The following ALPK2 variants were observed in gnomAD, a reference collection of about 807,000 sequenced individuals.
ALPK2 encodes the protein alpha-protein kinase 2.
Under a neutral mutation model 163.1 loss-of-function variants are expected in ALPK2, and 127 were observed. That is an observed-to-expected ratio of 0.78 (90% CI 0.67 to 0.90). ALPK2 has a LOEUF of 0.90. Ranked by LOEUF, ALPK2 falls within the 40% of genes least tolerant of loss-of-function variation. The probability of loss-of-function intolerance (pLI) is 0.00; values close to 1 mark genes in which losing one functional copy is unlikely to be tolerated. For missense variants in ALPK2, 2,360 were observed against 2,589.6 expected (o/e 0.91, Z 1.92); for synonymous variants, 953 against 959.1 (o/e 0.99, Z 0.12).
intron 10 of ALPK2, among the ~76,000 whole-genome samples, chr18:58,514,112 C>T (rs999724523): frequency 6.6e-6 from 1 of 152,110 alleles, no homozygotes; most frequent in African/African-American, 2.4e-5. Context: ...GTCCAGATGG[C>T]TGTCTGTGTA....
At chr18:58,558,880 A>G (rs993652303) in intron 4 of ALPK2, among the ~76,000 whole-genome samples, 8 of 152,252 alleles carry the variant, frequency 5.3e-5, no homozygotes, top group Admixed American at 1.3e-4. Flanking sequence ...AGGCAAATCT[A>G]TTCAAGACAG....
intron 11 of ALPK2, among the ~76,000 whole-genome samples, chr18:58,499,298 G>A (rs1262952958): frequency 2.0e-5 from 3 of 152,144 alleles, no homozygotes; most frequent in Admixed American, 6.5e-5. Context: ...AGGAGGGGTA[G>A]GGAGGGTAGC....
intron 8 of ALPK2, among the ~76,000 whole-genome samples, chr18:58,523,055 C>A: frequency 1.1e-5 from 1 of 89,166 alleles, no homozygotes; most frequent in African/African-American, 4.7e-5. Context: ...TAATGCTAAC[C>A]CTCCCCCCTC....
At chr18:58,505,385 T>C (rs1164481392) in intron 10 of ALPK2, among the ~76,000 whole-genome samples, 2 of 151,736 alleles carry the variant, frequency 1.3e-5, no homozygotes, top group Non-Finnish European at 2.9e-5. Context: ...GGAGGACCTC[T>C]AAGTGCTGCC....
At chr18:58,521,196 G>A (rs989184653) in intron 8 of ALPK2, among the ~76,000 whole-genome samples, 2 of 152,230 alleles carry the variant, frequency 1.3e-5, no homozygotes, top group African/African-American at 4.8e-5. Flanking sequence ...TACGGCTGGA[G>A]TCACTGGGCT....
At chr18:58,601,198 G>A (rs553764525) in intron 3 of ALPK2, among the ~76,000 whole-genome samples, 2 of 152,192 alleles carry the variant, frequency 1.3e-5, no homozygotes, top group South Asian at 2.1e-4. Flanking sequence ...GGAGGTTGCA[G>A]TGAGCCCAGA....
At chr18:58,608,613 G>A (rs1018103673) in intron 2 of ALPK2, among the ~76,000 whole-genome samples, 6 of 152,148 alleles carry the variant, frequency 3.9e-5, no homozygotes, top group East Asian at 1.9e-4. Context: ...TATTTATTGC[G>A]TGATTTTTGG....
intron 9 of ALPK2, 115 bp from the exon 10 acceptor site, chr18:58,515,196 C>A (rs886863063): frequency 2.7e-6 from 2 of 741,450 alleles, no homozygotes; most frequent in Non-Finnish European, 4.1e-6. Context: ...AACTGACAAG[C>A]CCATCCCCTG....
intron 4 of ALPK2, among the ~76,000 whole-genome samples, chr18:58,539,970 A>G (rs1191707318): frequency 2.0e-5 from 3 of 152,240 alleles, no homozygotes; most frequent in Non-Finnish European, 4.4e-5. Context: ...AATGCTAACT[A>G]AACAAGAAAG....
chr18:58,578,733 G>GACACCCACACACACAC, intron 4 of ALPK2, 81 bp downstream of exon 4: 1 of 530,150 alleles, frequency 1.9e-6, no homozygotes, highest in Non-Finnish European at 3.1e-6. Flanking sequence ...TAAAGGAAGA[G>GACACCCACACACACAC]ACACACACAC....
chr18:58,611,858 G>T, intron 1 of ALPK2, 41 bp from the exon 2 acceptor site: 1 of 1,268,892 alleles, frequency 7.9e-7, no homozygotes, highest in Non-Finnish European at 1.1e-6. Context: ...ATTTGTTCTG[G>T]GATTTCTCTG....
Position 58,537,577 on chromosome 18 carries a change from C to G in ALPK2, c.2610G>C (p.Glu870Asp), listed in dbSNP as rs1602207535. 5.6e-6 allele frequency: 9 copies of G among 1,613,996 alleles called. No homozygotes were observed. The East Asian group carries it at 1.8e-4, about 32-fold the overall frequency. Reference protein sequence around the residue: ...LEVFFQTQVSETSVSTCKSSK... With the variant: ...LEVFFQTQVSDTSVSTCKSSK... ...TGCTTTTGCACGTAGACACTGAAGT[C>G]TCAGACACTTGTGTCTGAAAAAAGA... Residue 870 changes from glutamate to aspartate, a missense_variant, in exon 5 of 13, where the codon GAG (glutamate) becomes GAC (aspartate). Transcript: ENST00000361673.
At position 58,588,880 on chromosome 18, in the gene ALPK2, G is replaced by A. The variant is rs540786738; in HGVS notation, c.228-8332C>T. 9.9e-5 allele frequency among the ~76,000 whole-genome samples: 15 copies of A among 152,284 alleles called. No homozygotes were observed. The South Asian group carries it at 3.1e-3, about 32-fold the overall frequency. On this transcript the variant is annotated intron_variant, in intron 3 of 12. Coordinates refer to ENST00000361673, the MANE Select transcript of ALPK2 (RefSeq NM_052947.4). ...TTCCATGTCTTTGCTATTGTGAATG[G>A]TGCTGCAATGAACATATGCGTGCAT...
At position 58,579,213 on chromosome 18, in the gene ALPK2, C is replaced by A; in HGVS notation, c.1563G>T (p.Gly521=). Reference sequence around the variant, plus strand: ...CCCTCTTGCTCCATAAGTCCTTTCCCCCCACTCTCTTGTCAGCTGCCGTCT... The same window carrying A: ...CCCTCTTGCTCCATAAGTCCTTTCCACCCACTCTCTTGTCAGCTGCCGTCT... ...CWETAADKRV[G]GKDLWSKRGS... is the part of the protein sequence containing the mutation. Residue 521 remains glycine, a synonymous_variant, in exon 4 of 13, where the codon GGG becomes GGT. Transcript: ENST00000361673. 2 of 1,614,108 alleles carry A rather than the reference C, an allele frequency of 1.2e-6. No homozygotes were observed. The highest frequency in any genetic ancestry group is 2.2e-5 in the South Asian group (2 of 91,076).
intron 4 of ALPK2, among the ~76,000 whole-genome samples, chr18:58,552,034 C>G (rs773724289): frequency 2.0e-5 from 3 of 152,114 alleles, no homozygotes; most frequent in Non-Finnish European, 4.4e-5. Flanking sequence ...TATTTTCCCA[C>G]CCAACCCCAT....
intron 12 of ALPK2, among the ~76,000 whole-genome samples, chr18:58,490,080 A>G (rs1345248626): frequency 6.6e-6 from 1 of 152,044 alleles, no homozygotes; most frequent in Non-Finnish European, 1.5e-5. Context: ...CAAAAAAAAA[A>G]GAAAGAAAAA....
rs61709214 is a variant in ALPK2 at position 58,515,136 on chromosome 18, A to G, written c.5941-55T>C. 390 of 1,340,466 alleles carry G rather than the reference A, an allele frequency of 2.9e-4. No individual in the cohort carries two copies. In the African/African-American group the frequency reaches 4.8e-3, roughly 17 times the overall value. The allele number at this position is 1,340,466 out of a possible 1,614,324, so 83.0% of individuals were successfully genotyped here. A position where few individuals can be genotyped will look rare whatever the true frequency, so the allele number is the denominator to read the frequency against. On this transcript the variant is annotated intron_variant, in intron 9 of 12. Transcript: ENST00000361673. ...AGTGACTACAGGAAATTCAGACAGT[A>G]TTGCCCAGTAAGACTATTCAGGAGA...
chr18:58,622,308 T>C (rs1296424950), intron 1 of ALPK2, among the ~76,000 whole-genome samples: 1 of 152,038 alleles, frequency 6.6e-6, no homozygotes, highest in African/African-American at 2.4e-5. Context: ...GATCGCACCA[T>C]TGCACTCCAG....
chr18:58,529,306 TAAC>T lies in ALPK2; in HGVS notation c.5354-71_5354-69del, dbSNP rs2051600320. On this transcript the variant is annotated intron_variant, in intron 5 of 12. Coordinates refer to ENST00000361673, the MANE Select transcript of ALPK2 (RefSeq NM_052947.4). Reference sequence around the variant, plus strand: ...CCCATTTCATACCATTTAATTCTCATAACAATCCTGAGAGACAGGAATATTAAT... The same window carrying T: ...CCCATTTCATACCATTTAATTCTCATAATCCTGAGAGACAGGAATATTAAT... The T allele has an allele frequency of 8.4e-6, 12 of 1,422,878 alleles. No individual in the cohort carries two copies. The East Asian group carries it at 2.6e-4, about 30-fold the overall frequency. The allele number at this position is 1,422,878 out of a possible 1,614,324, so 88.1% of individuals were successfully genotyped here. A position where few individuals can be genotyped will look rare whatever the true frequency, so the allele number is the denominator to read the frequency against.
Sources: gnomAD v4.1 joint callset for allele counts (sites outside exome capture counted in the v4.1 genomes callset) on GRCh38, gnomAD v4.1.1 for gene constraint, MANE v1.5 for transcripts, NCBI Gene and HGNC (gene_info 2026-07-23, HGNC 2026-07-21) for gene names.